CTNNA2: variants seen among roughly 807,000 people sequenced by gnomAD.
CTNNA2 encodes catenin alpha 2.
In CTNNA2, 42 loss-of-function variants were observed where a neutral mutation model predicts 101.0. That is an observed-to-expected ratio of 0.42 (90% CI 0.32 to 0.54). The LOEUF (loss-of-function observed/expected upper bound fraction) is 0.54, where lower values mean the gene tolerates loss of function less well. CTNNA2 is among the 20% of genes least tolerant of loss of function. The probability of loss-of-function intolerance (pLI) is 0.14; values close to 1 mark genes in which losing one functional copy is unlikely to be tolerated. For synonymous variants in CTNNA2, 450 were observed against 456.4 expected, an observed-to-expected ratio of 0.99 and a Z score of 0.18; for missense variants, 871 against 1,223.1, an observed-to-expected ratio of 0.71 and a Z score of 4.29.
Position 79,858,100 on chromosome 2 carries a change from C to T in CTNNA2, c.386C>T (p.Ala129Val). Residue 129 changes from alanine (A) to valine (V), a missense_variant, in exon 4 of 19, where the codon GCT becomes GTT. By Grantham distance (64) the Ala-to-Val change is moderately conservative. Transcript: ENST00000402739. The stretch of plus-strand genomic sequence containing the variant: ...GGCACCATGGTACGGGCGGCAAGGG[C>T]TTTGCTCTCCGCGGTGACACGCTTA... ...KRGTMVRAAR[A>V]LLSAVTRLLI... 5 of 1,614,148 alleles carry T rather than the reference C, an allele frequency of 3.1e-6. No individual in the cohort carries two copies. The highest frequency in any genetic ancestry group is 4.2e-6 in the Non-Finnish European group (5 of 1,180,010).
chr2:79,447,950 C>T (rs536171509), intron 4 of CTNNA2, among the ~76,000 whole-genome samples: 2 of 152,108 alleles, frequency 1.3e-5, no homozygotes, highest in African/African-American at 2.4e-5. Flanking sequence ...ATTATTTTGG[C>T]TCCCATAAGA....
intron 16 of CTNNA2, among the ~76,000 whole-genome samples, chr2:80,606,657 T>C (rs752666451): frequency 2.0e-5 from 3 of 151,934 alleles, no homozygotes; most frequent in African/African-American, 4.8e-5. Context: ...CCTTTTTAAA[T>C]GTGTATTTTA....
intron 7 of CTNNA2, among the ~76,000 whole-genome samples, chr2:80,024,842 C>T (rs543413636): frequency 1.3e-5 from 2 of 152,282 alleles, no homozygotes; most frequent in East Asian, 1.9e-4. Context: ...TTTTATTTTA[C>T]ACTCTGTCAC....
At chr2:79,676,134 A>G (rs1045085521) in intron 2 of CTNNA2, among the ~76,000 whole-genome samples, 9 of 152,188 alleles carry the variant, frequency 5.9e-5, no homozygotes, top group Admixed American at 4.6e-4. Context: ...GACTGAGCAC[A>G]TGCTATAGCC....
chr2:79,876,408 A>T (rs769048790), intron 6 of CTNNA2, among the ~76,000 whole-genome samples: 8 of 152,210 alleles, frequency 5.3e-5, no homozygotes, highest in Admixed American at 2.6e-4. Flanking sequence ...TCAAATACAA[A>T]ATTATTTTAT....
chr2:80,412,036 A>G (rs369523509), intron 8 of CTNNA2, among the ~76,000 whole-genome samples: 3 of 152,090 alleles, frequency 2.0e-5, no homozygotes, highest in Admixed American at 6.6e-5. Context: ...GCACCCAGCA[A>G]CCGTGGGCTC....
intron 12 of CTNNA2, among the ~76,000 whole-genome samples, chr2:80,559,891 T>TATATACAC (rs1553387588): frequency 6.8e-6 from 1 of 146,888 alleles, no homozygotes; most frequent in South Asian, 2.1e-4. Context: ...TATATATATA[T>TATATACAC]ACACACACAT....
At chr2:79,367,089 T>C in intron 3 of CTNNA2, among the ~76,000 whole-genome samples, 1 of 152,158 alleles carries the variant, frequency 6.6e-6, no homozygotes, top group Non-Finnish European at 1.5e-5. Flanking sequence ...GCCCTCATGA[T>C]AGGGTTAGAG....
chr2:79,887,061 C>T (rs1270607067), intron 6 of CTNNA2, among the ~76,000 whole-genome samples: 2 of 152,040 alleles, frequency 1.3e-5, no homozygotes, highest in Non-Finnish European at 2.9e-5. Context: ...AAGTGATCTG[C>T]CCAACTCAGC....
At chr2:79,986,127 C>T (rs1691742666) in intron 7 of CTNNA2, among the ~76,000 whole-genome samples, 1 of 152,146 alleles carries the variant, frequency 6.6e-6, no homozygotes, top group Non-Finnish European at 1.5e-5. Flanking sequence ...TTTAATTTAC[C>T]ACGGGAGATG....
intron 6 of CTNNA2, among the ~76,000 whole-genome samples, chr2:79,890,791 C>A (rs182293279): frequency 9.6e-4 from 139 of 145,308 alleles, no homozygotes; most frequent in East Asian, 4.4e-3. Context: ...ATTTATTGCT[C>A]ATGGTTTTGG....
chr2:80,105,033 C>T (rs1159750877), intron 7 of CTNNA2, among the ~76,000 whole-genome samples: 2 of 152,160 alleles, frequency 1.3e-5, no homozygotes, highest in Non-Finnish European at 2.9e-5. Flanking sequence ...AGTTTTGCTA[C>T]TGTTCTTGAA....
chr2:80,071,001 T>C (rs1423485563), intron 7 of CTNNA2, among the ~76,000 whole-genome samples: 1 of 152,198 alleles, frequency 6.6e-6, no homozygotes, highest in Non-Finnish European at 1.5e-5. Context: ...TCTTCCTATC[T>C]CAAGATCCTT....
chr2:79,628,388 G>A (rs1196274092), intron 1 of CTNNA2, among the ~76,000 whole-genome samples: 2 of 151,880 alleles, frequency 1.3e-5, no homozygotes, highest in African/African-American at 4.8e-5. Context: ...GGGAGGTGGA[G>A]GTTGCAGTGA....
intron 7 of CTNNA2, among the ~76,000 whole-genome samples, chr2:80,040,749 T>G (rs558580931): frequency 6.6e-6 from 1 of 152,176 alleles, no homozygotes; most frequent in Non-Finnish European, 1.5e-5. Context: ...CTACGAAGAT[T>G]TTACTGTCTC....
At chr2:80,069,179 C>T (rs562195216) in intron 7 of CTNNA2, among the ~76,000 whole-genome samples, 1 of 152,204 alleles carries the variant, frequency 6.6e-6, no homozygotes, top group South Asian at 2.1e-4. Flanking sequence ...CACCCTTTTT[C>T]CACCTTTATG....
At chr2:80,381,842 AT>A (rs1274149318) in intron 7 of CTNNA2, among the ~76,000 whole-genome samples, 2 of 152,068 alleles carry the variant, frequency 1.3e-5, no homozygotes, top group African/African-American at 4.8e-5. Flanking sequence ...ATTTTATCGA[AT>A]CTATTCTCTT....
intron 9 of CTNNA2, among the ~76,000 whole-genome samples, chr2:80,532,580 G>C (rs963596356): frequency 1.3e-5 from 2 of 152,092 alleles, no homozygotes; most frequent in African/African-American, 4.8e-5. Flanking sequence ...ATCTCTTACT[G>C]TTCCCAGGTT....
At chr2:80,231,609 G>A (rs1421156113) in intron 7 of CTNNA2, among the ~76,000 whole-genome samples, 2 of 152,142 alleles carry the variant, frequency 1.3e-5, no homozygotes, top group Non-Finnish European at 2.9e-5. Flanking sequence ...CCTCTTGGAG[G>A]TTAGACACAA....
Sources: gnomAD v4.1 joint callset for allele counts (sites outside exome capture counted in the v4.1 genomes callset) on GRCh38, gnomAD v4.1.1 for gene constraint, MANE v1.5 for transcripts, NCBI Gene and HGNC (gene_info 2026-07-23, HGNC 2026-07-21) for gene names.